Variants in MDN1 observed in about 807,000 individuals in gnomAD.
MDN1 encodes midasin.
MDN1 carries 266 observed loss-of-function variants against 669.2 expected under a neutral mutation model. The ratio of observed to expected loss-of-function variants is 0.40; its 90% CI spans 0.36 to 0.44. The LOEUF is 0.44. MDN1 is among the 20% of genes least tolerant of loss of function. MDN1 has a pLI of 1.00. For missense variants in MDN1, 5,940 were observed against 6,754.0 expected, an observed-to-expected ratio of 0.88 and a Z score of 4.22; for synonymous variants, 2,385 against 2,457.1, an observed-to-expected ratio of 0.97 and a Z score of 0.87.
intron 65 of MDN1, 36 bp from the exon 66 acceptor site, chr6:89,688,844 C>T (rs997653148): frequency 6.5e-7 from 1 of 1,542,950 alleles, no homozygotes; most frequent in African/African-American, 1.4e-5. Flanking sequence ...TCAGTGAATT[C>T]AGTAAGTTGA....
chr6:89,656,964 C>T (rs2128299991), intron 90 of MDN1, among the ~76,000 whole-genome samples, 163 bp from the exon 91 acceptor site: 1 of 152,342 alleles, frequency 6.6e-6, no homozygotes, highest in Non-Finnish European at 1.5e-5. Flanking sequence ...TAACTAAGGC[C>T]TGGCCTACAG....
chr6:89,667,938 A>G (rs1697932716), intron 84 of MDN1, 76 bp downstream of exon 84: 1 of 1,566,322 alleles, frequency 6.4e-7, no homozygotes, highest in Admixed American at 1.8e-5. Context: ...AGTAAAAACC[A>G]TTTTTATGTG....
intron 92 of MDN1, among the ~76,000 whole-genome samples, chr6:89,655,452 ATATT>A (rs1430248891): frequency 6.6e-6 from 1 of 152,220 alleles, no homozygotes; most frequent in Non-Finnish European, 1.5e-5. Flanking sequence ...ATATTTAAGG[ATATT>A]TAAAGAGTTT....
intron 1 of MDN1, among the ~76,000 whole-genome samples, chr6:89,808,671 T>C (rs1346036093): frequency 6.6e-6 from 1 of 152,124 alleles, no homozygotes; most frequent in African/African-American, 2.4e-5. Context: ...CTCTGAGCTC[T>C]GTCTTCTCAG....
In MDN1 at chr6:89,675,481, C is replaced by G. The variant is rs758855476; in HGVS notation, c.12744G>C (p.Glu4248Asp). The change falls in exon 78 of 102, where the codon GAG becomes GAC. Residue 4248 changes from glutamate to aspartate, a missense_variant. Coordinates refer to ENST00000369393, the MANE Select transcript of MDN1 (RefSeq NM_014611.3). Reference sequence around the variant, plus strand: ...GCTGATACCTGAGGATGATCCACTGCTCACTGAGCGTGGTCAGGGAGCGCC... The same window carrying G: ...GCTGATACCTGAGGATGATCCACTGGTCACTGAGCGTGGTCAGGGAGCGCC... ...RQRRSLTTLS[E>D]QWIILRNLLS... 6.2e-7 allele frequency: 1 copy of G among 1,613,440 alleles called. No homozygotes were observed. The highest frequency in any genetic ancestry group is 8.5e-7 in the Non-Finnish European group (1 of 1,179,982).
chr6:89,731,658 A>G (rs1291882073), intron 34 of MDN1, among the ~76,000 whole-genome samples: 2 of 152,148 alleles, frequency 1.3e-5, no homozygotes, highest in African/African-American at 2.4e-5. Context: ...TACCTAATGC[A>G]TGAGGAGCTT....
intron 8 of MDN1, 52 bp from the exon 9 acceptor site, chr6:89,785,178 T>A: frequency 3.3e-6 from 4 of 1,215,088 alleles, no homozygotes; most frequent in Non-Finnish European, 4.9e-6. Flanking sequence ...ATTTTAATCC[T>A]GAATTGTGCC....
At position 89,761,661 on chromosome 6, in the gene MDN1, A is replaced by G; in HGVS notation, c.2444T>C (p.Leu815Ser). ...CAGAAATACCTCTACAAATGCGAAC[A>G]ATAAGGTATTTTCAGTCATTTTCAT... ...QQMKMTENTL[L>S]FAFVEGTLAQ... Residue 815 changes from leucine (L) to serine (S), a missense_variant, in exon 17 of 102, where the codon TTG (leucine) becomes TCG (serine). Leu to Ser is a moderately radical substitution (Grantham distance 145, BLOSUM62 -2). Coordinates refer to ENST00000369393, the MANE Select transcript of MDN1 (RefSeq NM_014611.3). 1 of 1,609,540 alleles carries G rather than the reference A, an allele frequency of 6.2e-7. No homozygotes were observed. Among genetic ancestry groups the G allele is most frequent in the Non-Finnish European group, 8.5e-7 (1 of 1,177,502 alleles).
At chr6:89,686,422 C>T (rs1357433178) in intron 69 of MDN1, among the ~76,000 whole-genome samples, 1 of 145,052 alleles carries the variant, frequency 6.9e-6, no homozygotes, top group Non-Finnish European at 1.6e-5. Flanking sequence ...AGGACTCTGT[C>T]TCAAAAAAAA....
chr6:89,810,012 A>T (rs988736343), intron 1 of MDN1, among the ~76,000 whole-genome samples: 1 of 147,516 alleles, frequency 6.8e-6, no homozygotes, highest in East Asian at 1.9e-4. Context: ...AAAAAAAAAA[A>T]AAAAAAAAAA....
At chr6:89,701,257 A>C (rs1182316905) in intron 55 of MDN1, among the ~76,000 whole-genome samples, 1 of 152,250 alleles carries the variant, frequency 6.6e-6, no homozygotes, top group South Asian at 2.1e-4. Flanking sequence ...ATACAGTATA[A>C]TCACTATTTA....
At chr6:89,715,057 G>A (rs1814255485) in intron 45 of MDN1, among the ~76,000 whole-genome samples, 1 of 152,168 alleles carries the variant, frequency 6.6e-6, no homozygotes, top group South Asian at 2.1e-4. Flanking sequence ...ACAGACAGCA[G>A]AACAGGAAGC....
intron 7 of MDN1, among the ~76,000 whole-genome samples, chr6:89,789,032 G>C (rs570092980): frequency 6.6e-6 from 1 of 152,224 alleles, no homozygotes; most frequent in East Asian, 1.9e-4. Flanking sequence ...GCTGAGGCAG[G>C]AGAATTGCTG....
At chr6:89,778,597 T>C (rs116431463) in intron 11 of MDN1, among the ~76,000 whole-genome samples, 220 of 152,028 alleles carry the variant, frequency 1.4e-3, no homozygotes, top group African/African-American at 4.9e-3. Flanking sequence ...TAAAATGGCA[T>C]AGGGTGACTG....
intron 1 of MDN1, among the ~76,000 whole-genome samples, chr6:89,806,445 G>A (rs1467706181): frequency 6.6e-6 from 1 of 152,056 alleles, no homozygotes; most frequent in Non-Finnish European, 1.5e-5. Flanking sequence ...GGCCAGGAGT[G>A]GTGGCTCACG....
chr6:89,801,826 G>A (rs1303337491), intron 2 of MDN1, among the ~76,000 whole-genome samples: 1 of 151,570 alleles, frequency 6.6e-6, no homozygotes, highest in Non-Finnish European at 1.5e-5. Flanking sequence ...GCCAGGTGTA[G>A]TGATGTGCAT....
intron 33 of MDN1, among the ~76,000 whole-genome samples, chr6:89,735,848 C>T (rs925949133): frequency 6.6e-6 from 1 of 152,022 alleles, no homozygotes; most frequent in Admixed American, 6.5e-5. Flanking sequence ...GGTGAAACCC[C>T]GTCTCTACTA....
intron 53 of MDN1, among the ~76,000 whole-genome samples, chr6:89,704,008 C>T (rs1333720466): frequency 4.9e-5 from 5 of 101,374 alleles, no homozygotes; most frequent in African/African-American, 7.7e-5. Flanking sequence ...AGAGAAACTC[C>T]GTCTCAAAAA....
Position 89,658,177 on chromosome 6 carries a change from C to T in MDN1, c.15183+32G>A, listed in dbSNP as rs185781041. On this transcript the variant is annotated intron_variant, in intron 90 of 101. Coordinates refer to ENST00000369393, the MANE Select transcript of MDN1 (RefSeq NM_014611.3). ...AGGGAGAAGAGACCCTACTAAGAGG[C>T]AGCTGGCGGCTGCAGTGAAACCACT... 84 of 1,612,402 alleles carry T rather than the reference C, an allele frequency of 5.2e-5. No homozygotes were observed. In the African/African-American group the frequency reaches 8.1e-4, roughly 16 times the overall value.
Sources: allele counts gnomAD v4.1 joint callset (sites outside exome capture counted in the v4.1 genomes callset), GRCh38; gene constraint gnomAD v4.1.1; transcripts MANE v1.5; gene names NCBI Gene and HGNC (gene_info 2026-07-23, HGNC 2026-07-21).